JPH2: variants seen among roughly 807,000 people sequenced by gnomAD.
The protein encoded by JPH2 is junctophilin-2.
A neutral mutation model predicts 55.9 loss-of-function variants in JPH2; 38 were observed. That is an observed-to-expected ratio of 0.68 (90% CI 0.52 to 0.89). The LOEUF is 0.89. JPH2 is among the 40% of genes least tolerant of loss of function. JPH2 has a pLI of 0.00. For missense variants in JPH2, 964 were observed against 1,037.6 expected (o/e 0.93, Z 0.97); for synonymous variants, 480 against 472.4 (o/e 1.02, Z -0.21).
At chr20:44,178,557 G>A (rs2064382) in intron 1 of JPH2, among the ~76,000 whole-genome samples, 19 of 152,208 alleles carry the variant, frequency 1.2e-4, no homozygotes, top group Admixed American at 1.2e-3. Flanking sequence ...CAAAATCCCA[G>A]CAGGCCTTTT....
At position 44,177,183 on chromosome 20, in the gene JPH2, G is replaced by A. The variant is rs984818079; in HGVS notation, c.379+9144C>T. The A allele has an allele frequency of 6.1e-6, 6 of 985,442 alleles. No homozygotes were observed. In the Admixed American group the frequency reaches 2.5e-4, roughly 40 times the overall value. 61.0% of individuals were successfully genotyped at this position (985,442 alleles called of 1,614,324 possible). A position where few individuals can be genotyped will look rare whatever the true frequency, so the allele number is the denominator to read the frequency against. ...TCTCCTACTCTGTGGCTTCAGCTCG[G>A]GAAGGGATAGGTGAGAACAAGGATA... On this transcript the variant is annotated intron_variant, in intron 1 of 5. Coordinates refer to ENST00000372980, the MANE Select transcript of JPH2 (RefSeq NM_020433.5).
chr20:44,116,109 C>T lies in JPH2; in HGVS notation c.1566G>A (p.Arg522=), dbSNP rs559143345. 71 of 1,480,468 alleles carry T rather than the reference C, an allele frequency of 4.8e-5. No homozygotes were observed. The African/African-American group carries it at 9.3e-4, about 19-fold the overall frequency. The allele number at this position is 1,480,468 out of a possible 1,614,324, so 91.7% of individuals were successfully genotyped here. A position where few individuals can be genotyped will look rare whatever the true frequency, so the allele number is the denominator to read the frequency against. The part of the protein sequence containing the change: ...WNGEPSGEGS[R]SVTPSEGAGR... ...CCGCGCCCTCGGACGGAGTGACTGACCGGCTGCCCTCACCGCTGGGCTCGC... is the reference window on the plus strand; with the variant it reads ...CCGCGCCCTCGGACGGAGTGACTGATCGGCTGCCCTCACCGCTGGGCTCGC... The change falls in exon 4 of 6, where the codon CGG becomes CGA. Residue 522 remains arginine (R), a synonymous_variant. Coordinates refer to ENST00000372980, the MANE Select transcript of JPH2 (RefSeq NM_020433.5).
intron 2 of JPH2, among the ~76,000 whole-genome samples, chr20:44,122,633 T>C (rs2072245369): frequency 6.6e-6 from 1 of 152,274 alleles, no homozygotes; most frequent in East Asian, 1.9e-4. Context: ...TTTCTTCATC[T>C]GTAAAGTGGA....
chr20:44,168,696 T>C (rs1159724668), intron 1 of JPH2, among the ~76,000 whole-genome samples: 3 of 152,212 alleles, frequency 2.0e-5, no homozygotes, highest in African/African-American at 7.2e-5. Flanking sequence ...TCTAAGAATA[T>C]GAGAACTTCC....
chr20:44,186,279 A>C (rs770613102), intron 1 of JPH2, 48 bp downstream of exon 1: 2 of 1,590,412 alleles, frequency 1.3e-6, no homozygotes, highest in African/African-American at 1.4e-5. Context: ...AGGGTTTCTC[A>C]CCCTCCCTGG....
At chr20:44,124,155 G>C (rs1239169100) in intron 2 of JPH2, among the ~76,000 whole-genome samples, 1 of 152,104 alleles carries the variant, frequency 6.6e-6, no homozygotes, top group Non-Finnish European at 1.5e-5. Context: ...GATAGGAGCA[G>C]GGCTCTCACC....
At chr20:44,167,403 CT>C (rs1231520289) in intron 1 of JPH2, among the ~76,000 whole-genome samples, 2 of 152,182 alleles carry the variant, frequency 1.3e-5, no homozygotes, top group East Asian at 3.9e-4. Context: ...GAATGACACT[CT>C]TATGTCCTTT....
rs2867794 is a variant in JPH2, at chr20:44,114,513, G to A, written c.*14+269C>T. ...AATGAATGAGTGAATGAAGCCCTCA[G>A]TGCTCACCTGACAGAGAGCAGGTGC... On this transcript the variant is annotated intron_variant, in intron 5 of 5. Transcript: ENST00000372980. Among the ~76,000 whole-genome samples, 62,307 of 151,662 alleles carry A rather than the reference G, an allele frequency of 0.41. 13,467 individuals carry two copies. Among genetic ancestry groups the A allele is most frequent in the African/African-American group, 0.53 (21,685 of 41,262 alleles).
chr20:44,115,494 G>T (rs1168473645), intron 4 of JPH2, among the ~76,000 whole-genome samples, 171 bp downstream of exon 4: 2 of 152,178 alleles, frequency 1.3e-5, no homozygotes, highest in African/African-American at 4.8e-5. Flanking sequence ...TGTGGACCAA[G>T]CCAAGGCTAT....
rs1389682047 is a variant in JPH2 at position 44,160,053 on chromosome 20, C to G, written c.734G>C (p.Arg245Pro). The G allele has an allele frequency of 5.2e-6, 8 of 1,546,610 alleles. No individual in the cohort carries two copies. The highest frequency in any genetic ancestry group is 6.9e-6 in the Non-Finnish European group (8 of 1,152,536). The change falls in exon 2 of 6, where the codon CGT becomes CCT. Residue 245 changes from arginine (R) to proline (P), a missense_variant. Coordinates refer to ENST00000372980, the MANE Select transcript of JPH2 (RefSeq NM_020433.5). The surrounding 1 kb of genome is among the most constrained non-coding windows in gnomAD (Gnocchi z 4.9). ...GAGGTCGCTCTTAAGGAAGCTGACACGGCTGCGCTGGCTACCCACGGACGT... is the reference window on the plus strand; with the variant it reads ...GAGGTCGCTCTTAAGGAAGCTGACAGGGCTGCGCTGGCTACCCACGGACGT... Reference protein sequence around the residue: ...SRTSVGSQRSRVSFLKSDLSS... With the variant: ...SRTSVGSQRSPVSFLKSDLSS...
At chr20:44,177,533 T>C in intron 1 of JPH2, 1 of 1,090,842 alleles carries the variant, frequency 9.2e-7, no homozygotes, top group Non-Finnish European at 1.1e-6. Context: ...GGGTCTGCTG[T>C]GCTCTCCTGG....
At chr20:44,129,034 G>A (rs1268645472) in intron 2 of JPH2, among the ~76,000 whole-genome samples, 1 of 152,188 alleles carries the variant, frequency 6.6e-6, no homozygotes, top group African/African-American at 2.4e-5. Context: ...ACAGGGCCTG[G>A]CACACAGCAA....
At chr20:44,123,128 T>C (rs1296604068) in intron 2 of JPH2, among the ~76,000 whole-genome samples, 1 of 152,160 alleles carries the variant, frequency 6.6e-6, no homozygotes. Context: ...AGGGCTGCTG[T>C]GCTGGAAGCA....
chr20:44,170,482 T>C (rs899491349), intron 1 of JPH2, among the ~76,000 whole-genome samples: 2 of 152,218 alleles, frequency 1.3e-5, no homozygotes, highest in African/African-American at 4.8e-5. Flanking sequence ...GCATGGCAGA[T>C]ACAGAGTGAG....
intron 2 of JPH2, among the ~76,000 whole-genome samples, chr20:44,126,694 T>A (rs1441021991): frequency 3.3e-5 from 5 of 152,162 alleles, no homozygotes; most frequent in African/African-American, 1.2e-4. Flanking sequence ...CACCCAGGAC[T>A]CCATTCATTC....
Position 44,115,944 on chromosome 20 carries a change from C to T in JPH2, c.1731G>A (p.Glu577=), listed in dbSNP as rs530433203. The change falls in exon 4 of 6, where the codon GAG becomes GAA. Residue 577 remains glutamate, a synonymous_variant. Coordinates refer to ENST00000372980, the MANE Select transcript of JPH2 (RefSeq NM_020433.5). ...CGGGCTGGTCCTCAAAGGGTGGGGG[C>T]TCGGGCGGCGTGGTGCGCACAGCAT... is the stretch of plus-strand genomic sequence containing the variant. ...HSYAVRTTPP[E]PPPFEDQPEP... 156 of 1,569,008 alleles carry T rather than the reference C, an allele frequency of 9.9e-5. 1 individual carries two copies. In the South Asian group the frequency reaches 1.6e-3, roughly 16 times the overall value.
chr20:44,149,445 G>A (rs551069236), intron 2 of JPH2, among the ~76,000 whole-genome samples: 6 of 152,344 alleles, frequency 3.9e-5, no homozygotes, highest in South Asian at 2.1e-4. Context: ...AATATTTGTC[G>A]TGTGTGTGTA....
intron 5 of JPH2, among the ~76,000 whole-genome samples, chr20:44,114,146 C>G (rs2072167707): frequency 6.6e-6 from 1 of 152,172 alleles, no homozygotes; most frequent in South Asian, 2.1e-4. Flanking sequence ...TCCTTCAGCC[C>G]AGCCCAGCCC....
At chr20:44,119,728 G>A (rs62205904) in intron 2 of JPH2, among the ~76,000 whole-genome samples, 18,194 of 152,050 alleles carry the variant, frequency 0.12, 1,336 homozygotes, top group Admixed American at 0.24. Flanking sequence ...CAAAAAATTA[G>A]CCGGGCATGG....
Sources: gnomAD v4.1 joint callset for allele counts (sites outside exome capture counted in the v4.1 genomes callset) on GRCh38, gnomAD v4.1.1 for gene constraint, Gnocchi (gnomAD v3.1) non-coding constraint, MANE v1.5 for transcripts, NCBI Gene and HGNC (gene_info 2026-07-23, HGNC 2026-07-21) for gene names.